The following NLRP11 variants were observed in gnomAD, a reference collection of about 807,000 sequenced individuals.
NLRP11 encodes the protein NLR family pyrin domain containing 11, also known as NACHT, LRR and PYD domains-containing protein 11.
In NLRP11, 53 loss-of-function variants were observed where a neutral mutation model predicts 79.3. The observed-to-expected ratio is 0.67, with a 90% confidence interval of 0.54 to 0.84. The LOEUF is 0.84. Ranked by LOEUF, NLRP11 falls within the 40% of genes least tolerant of loss-of-function variation. The probability of loss-of-function intolerance (pLI) is 0.00; values close to 1 mark genes in which losing one functional copy is unlikely to be tolerated. For missense variants in NLRP11, 1,264 were observed against 1,255.0 expected, an observed-to-expected ratio of 1.01 and a Z score of -0.11; for synonymous variants, 518 against 462.6, an observed-to-expected ratio of 1.12 and a Z score of -1.54.
chr19:55,790,940 T>C (rs1405338148), intron 7 of NLRP11, among the ~76,000 whole-genome samples: 1 of 152,164 alleles, frequency 6.6e-6, no homozygotes, highest in Non-Finnish European at 1.5e-5. Context: ...GGGTAGGTGA[T>C]AGACAAAATG....
chr19:55,833,765 CAAAAAAAAAA>C (rs71182919), upstream of NLRP11, among the ~76,000 whole-genome samples: 2 of 23,486 alleles, frequency 8.5e-5, no homozygotes, highest in Middle Eastern at 0.031. Context: ...GACTCCGTCT[CAAAAAAAAAA>C]AAAAAAAAAA....
intron 5 of NLRP11, among the ~76,000 whole-genome samples, chr19:55,796,763 T>A (rs113933699): frequency 3.3e-5 from 5 of 151,876 alleles, no homozygotes; most frequent in Non-Finnish European, 7.4e-5. Context: ...CTCGGCTCAC[T>A]GCAACCTCTG....
intron 5 of NLRP11, among the ~76,000 whole-genome samples, chr19:55,798,002 T>A (rs8104973): frequency 0.03 from 3,662 of 120,756 alleles, 145 homozygotes; most frequent in African/African-American, 0.12. Context: ...TATTATTATT[T>A]TTTTTTTTTT....
Position 55,816,920 on chromosome 19 carries a change from T to A in NLRP11, c.271+984A>T, listed in dbSNP as rs1981174409. ...CCCTGGTCCTCATGTGATGTCCAGTTCTGAAGACTGGTTCTTTGGGGATGG... is the reference window on the plus strand; with the variant it reads ...CCCTGGTCCTCATGTGATGTCCAGTACTGAAGACTGGTTCTTTGGGGATGG... On this transcript the variant is annotated intron_variant, in intron 2 of 9. Transcript: ENST00000589093. 2.0e-5 allele frequency among the ~76,000 whole-genome samples: 3 copies of A among 152,188 alleles called. No individual in the cohort carries two copies. The South Asian group carries it at 6.2e-4, about 32-fold the overall frequency.
chr19:55,791,067 A>G (rs530980660), intron 7 of NLRP11, among the ~76,000 whole-genome samples: 219 of 152,340 alleles, frequency 1.4e-3, no homozygotes, highest in Middle Eastern at 3.4e-3. Flanking sequence ...TTTTATTTAT[A>G]AAGTTTTATT....
chr19:55,834,033 T>G (rs1281323473), upstream of NLRP11, among the ~76,000 whole-genome samples: 1 of 152,070 alleles, frequency 6.6e-6, no homozygotes, highest in Non-Finnish European at 1.5e-5. Context: ...AATTCAAAAC[T>G]CTATCATATT....
rs114502057 is a variant in NLRP11, at chr19:55,801,755, T to A, written c.2004-16A>T. The A allele has an allele frequency of 6.7e-4, 1,074 of 1,612,696 alleles. 11 individuals carry two copies. The African/African-American group carries it at 0.013, about 20-fold the overall frequency. ...ATAGGACAACCTGTGGAAGACATAA[T>A]AGCAGGAAAGCACTAGTGAAGGTCT... On this transcript the variant is annotated splice_polypyrimidine_tract_variant and intron_variant, in intron 4 of 9. Coordinates refer to ENST00000589093, the Ensembl canonical transcript of NLRP11.
At chr19:55,805,698 C>G (rs772268716) in intron 4 of NLRP11, among the ~76,000 whole-genome samples, 1 of 152,032 alleles carries the variant, frequency 6.6e-6, no homozygotes, top group Non-Finnish European at 1.5e-5. Flanking sequence ...TGCCGCCACA[C>G]CCGGCTAATT....
At chr19:55,812,546 A>G (rs1420233903) in intron 2 of NLRP11, among the ~76,000 whole-genome samples, 1 of 152,214 alleles carries the variant, frequency 6.6e-6, no homozygotes, top group African/African-American at 2.4e-5. Flanking sequence ...ACGATGAGCT[A>G]TTCCCTTCAC....
At chr19:55,821,243 ACACACAC>A (rs765311236) in intron 1 of NLRP11, among the ~76,000 whole-genome samples, 4,027 of 120,956 alleles carry the variant, frequency 0.033, 121 homozygotes, top group East Asian at 0.1. Context: ...ACACACACAC[ACACACAC>A]CCCAAGCACT....
At chr19:55,822,935 T>A (rs1472698249) in intron 1 of NLRP11, among the ~76,000 whole-genome samples, 44 of 152,308 alleles carry the variant, frequency 2.9e-4, no homozygotes, top group Non-Finnish European at 3.5e-4. Context: ...CCTGCCTGCC[T>A]CTATAGGCTC....
intron 1 of NLRP11, among the ~76,000 whole-genome samples, chr19:55,818,636 T>A (rs542535667): frequency 6.6e-6 from 1 of 152,270 alleles, no homozygotes; most frequent in Admixed American, 6.5e-5. Flanking sequence ...TCCTCTATGT[T>A]AGAATAATCT....
chr19:55,820,239 C>T (rs779654227), intron 1 of NLRP11, among the ~76,000 whole-genome samples: 19 of 152,152 alleles, frequency 1.2e-4, no homozygotes, highest in Non-Finnish European at 2.4e-4. Flanking sequence ...AAGGAAGTCA[C>T]TGAGTTTCAG....
chr19:55,791,289 G>T (rs1423643078), intron 7 of NLRP11, among the ~76,000 whole-genome samples: 1 of 152,174 alleles, frequency 6.6e-6, no homozygotes, highest in Non-Finnish European at 1.5e-5. Context: ...GAAAAAAAGG[G>T]AGGGTGAGTT....
At chr19:55,811,989 A>ACACACC (rs1476476409) in intron 2 of NLRP11, among the ~76,000 whole-genome samples, 18 of 151,958 alleles carry the variant, frequency 1.2e-4, no homozygotes, top group African/African-American at 4.3e-4. Context: ...ACACACACAC[A>ACACACC]CACACACACG....
chr19:55,789,942 C>G (rs1375640569), intron 7 of NLRP11, among the ~76,000 whole-genome samples: 1 of 152,170 alleles, frequency 6.6e-6, no homozygotes, highest in Non-Finnish European at 1.5e-5. Context: ...CCCCCATTAT[C>G]TACTCCTACA....
chr19:55,799,956 A>T (rs1979315278), intron 5 of NLRP11, among the ~76,000 whole-genome samples: 1 of 152,184 alleles, frequency 6.6e-6, no homozygotes, highest in African/African-American at 2.4e-5. Flanking sequence ...AAAAAGAGTG[A>T]AACTCTGTCT....
Position 55,809,620 on chromosome 19 carries a change from T to C in NLRP11, c.990A>G (p.Glu330=). The change falls in exon 3 of 10, where the codon GAA becomes GAG. Residue 330 remains glutamate (E), a synonymous_variant. Coordinates refer to ENST00000589093, the Ensembl canonical transcript of NLRP11. The surrounding 1 kb of genome is among the most constrained non-coding windows in gnomAD (Gnocchi z 4.5). ...CGACTCGGCACAGACCCACGAGTATTTCATCCTCATGTACAAGCTGGAGGG... is the reference window on the plus strand; with the variant it reads ...CGACTCGGCACAGACCCACGAGTATCTCATCCTCATGTACAAGCTGGAGGG... 1 of 1,614,186 alleles carries C rather than the reference T, an allele frequency of 6.2e-7. No homozygotes were observed. Among genetic ancestry groups the C allele is most frequent in the Non-Finnish European group, 8.5e-7 (1 of 1,180,026 alleles).
exon 3 of NLRP11, chr19:55,810,092 C>T (rs1980454955): frequency 2.5e-6 from 4 of 1,614,030 alleles, no homozygotes; most frequent in Admixed American, 1.7e-5. Flanking sequence ...CCACATCTCA[C>T]CCTTGATCCA....
Sources: allele counts gnomAD v4.1 joint callset (sites outside exome capture counted in the v4.1 genomes callset), GRCh38; gene constraint gnomAD v4.1.1; non-coding constraint Gnocchi (gnomAD v3.1); transcripts MANE v1.5; gene names NCBI Gene and HGNC (gene_info 2026-07-23, HGNC 2026-07-21).